Variants in LYPLAL1 observed in about 807,000 individuals in gnomAD.
LYPLAL1 encodes lysophospholipase like 1.
A neutral mutation model predicts 19.7 loss-of-function variants in LYPLAL1; 23 were observed. The ratio of observed to expected loss-of-function variants is 1.17; its 90% confidence interval spans 0.84 to 1.65. LYPLAL1 has a LOEUF of 1.65. Among genes scored for constraint, LYPLAL1 ranks in the 40% most tolerant of loss-of-function variants. The pLI is 0.00. For synonymous variants in LYPLAL1, 119 were observed against 96.3 expected, an observed-to-expected ratio of 1.24 and a Z score of -1.38; for missense variants, 355 against 279.4, an observed-to-expected ratio of 1.27 and a Z score of -1.93.
chr1:219,307,646 TC>T, the LYPLAL1 span, among the ~76,000 whole-genome samples: 48 of 152,214 alleles, frequency 3.2e-4, no homozygotes, highest in African/African-American at 1.2e-3. Flanking sequence ...TGGCTCTGTG[TC>T]CCCACCCAAA....
chr1:219,292,728 C>T, the LYPLAL1 span, among the ~76,000 whole-genome samples: 1 of 152,124 alleles, frequency 6.6e-6, no homozygotes, highest in Admixed American at 6.5e-5. Context: ...GGTACAATGT[C>T]AAGTAAGGTA....
chr1:219,215,325 T>G (rs1389114657), downstream of LYPLAL1, among the ~76,000 whole-genome samples: 1 of 152,194 alleles, frequency 6.6e-6, no homozygotes, highest in East Asian at 1.9e-4. Flanking sequence ...CAATAAATTT[T>G]CTGTCATTTT....
chr1:219,211,419 TTCTC>T (rs1207582028), intron 4 of LYPLAL1, 69 bp from the exon 5 acceptor site: 2 of 1,053,970 alleles, frequency 1.9e-6, no homozygotes, highest in South Asian at 1.6e-5. Flanking sequence ...AATTTTCCTG[TTCTC>T]TCTGATTTCT....
chr1:219,300,831 G>A, the LYPLAL1 span, among the ~76,000 whole-genome samples: 506 of 152,032 alleles, frequency 3.3e-3, 1 homozygote, highest in Non-Finnish European at 5.0e-3. Flanking sequence ...CACCGTGCCC[G>A]GCCTATCCTA....
the LYPLAL1 span, among the ~76,000 whole-genome samples, chr1:219,443,261 T>TA: frequency 5.8e-3 from 881 of 152,262 alleles, 7 homozygotes; most frequent in Non-Finnish European, 6.6e-3. Flanking sequence ...AGGGTTTTAT[T>TA]ACAAGATACA....
At chr1:219,411,440 A>C in the LYPLAL1 span, among the ~76,000 whole-genome samples, 2 of 152,136 alleles carry the variant, frequency 1.3e-5, no homozygotes, top group African/African-American at 4.8e-5. Context: ...CTCTGTATCT[A>C]ACTAATCTGA....
At chr1:219,292,184 G>C in the LYPLAL1 span, among the ~76,000 whole-genome samples, 8 of 152,112 alleles carry the variant, frequency 5.3e-5, no homozygotes, top group African/African-American at 9.7e-5. Flanking sequence ...CAGCTGACGG[G>C]ACAGGTGGTC....
chr1:219,281,401 AG>A, the LYPLAL1 span, among the ~76,000 whole-genome samples: 4 of 152,250 alleles, frequency 2.6e-5, no homozygotes, highest in Non-Finnish European at 4.4e-5. Flanking sequence ...AAATGAAAAT[AG>A]GTAAAAATCT....
chr1:219,292,068 A>G, the LYPLAL1 span, among the ~76,000 whole-genome samples: 70,505 of 151,920 alleles, frequency 0.46, 16,502 homozygotes, highest in East Asian at 0.66. Flanking sequence ...ACACAATAGA[A>G]ATGAACACGT....
In LYPLAL1 at chr1:219,212,709, C is replaced by T. The variant is rs1659135070; in HGVS notation, c.*981C>T. On this transcript the variant is annotated 3_prime_UTR_variant, in exon 5 of 5. Coordinates refer to ENST00000366928, the MANE Select transcript of LYPLAL1 (RefSeq NM_138794.5). ...TCAACAAAATTATCATGAGATTTTTCCATGTTGTGTACATCAATAGTTCAT... is the reference window on the plus strand; with the variant it reads ...TCAACAAAATTATCATGAGATTTTTTCATGTTGTGTACATCAATAGTTCAT... 6.6e-6 allele frequency: 1 copy of T among 151,906 alleles called. No homozygotes were observed. The highest frequency in any genetic ancestry group is 1.5e-5 in the Non-Finnish European group (1 of 67,914). The allele number at this position is 151,906 out of a possible 1,614,324, so 9.4% of individuals were successfully genotyped here.
chr1:219,325,695 CA>C, the LYPLAL1 span, among the ~76,000 whole-genome samples: 1 of 152,184 alleles, frequency 6.6e-6, no homozygotes, highest in South Asian at 2.1e-4. Flanking sequence ...CTGTGAGAAA[CA>C]GAATGAATTC....
chr1:219,352,397 A>G, the LYPLAL1 span, among the ~76,000 whole-genome samples: 1 of 152,210 alleles, frequency 6.6e-6, no homozygotes, highest in Admixed American at 6.5e-5. Flanking sequence ...GGGCGCCTGT[A>G]GTCTCAGCTA....
At chr1:219,379,570 T>C in the LYPLAL1 span, among the ~76,000 whole-genome samples, 1 of 152,200 alleles carries the variant, frequency 6.6e-6, no homozygotes, top group Non-Finnish European at 1.5e-5. Flanking sequence ...TCAGGAAATG[T>C]CTCATCAAAG....
intron 3 of LYPLAL1, among the ~76,000 whole-genome samples, chr1:219,206,715 C>T (rs1360489715): frequency 9.4e-5 from 14 of 149,350 alleles, no homozygotes; most frequent in African/African-American, 3.2e-4. Context: ...TAAATGTTTT[C>T]TTTCTCTCTT....
chr1:219,313,944 TGATA>T, the LYPLAL1 span, among the ~76,000 whole-genome samples: 3 of 152,238 alleles, frequency 2.0e-5, no homozygotes, highest in Admixed American at 6.5e-5. Flanking sequence ...GCATAGTACC[TGATA>T]GATAGTTCTT....
the LYPLAL1 span, among the ~76,000 whole-genome samples, chr1:219,243,054 T>C: frequency 6.6e-6 from 1 of 152,140 alleles, no homozygotes; most frequent in Admixed American, 6.5e-5. Flanking sequence ...AGTGCCAGCC[T>C]CTTGGATTCA....
At chr1:219,354,575 A>G in the LYPLAL1 span, among the ~76,000 whole-genome samples, 1 of 152,250 alleles carries the variant, frequency 6.6e-6, no homozygotes, top group African/African-American at 2.4e-5. Context: ...AACCAAAGCA[A>G]ACAACACCAA....
chr1:219,273,847 C>T, the LYPLAL1 span, among the ~76,000 whole-genome samples: 3 of 151,980 alleles, frequency 2.0e-5, no homozygotes, highest in South Asian at 2.1e-4. Flanking sequence ...CTGCAACCTC[C>T]GCCTCCCAGG....
At chr1:219,176,882 G>C (rs1478915417) in intron 1 of LYPLAL1, among the ~76,000 whole-genome samples, 1 of 152,144 alleles carries the variant, frequency 6.6e-6, no homozygotes, top group African/African-American at 2.4e-5. Flanking sequence ...GTAAGGCACT[G>C]TTCTGTGCTC....
Sources: allele counts gnomAD v4.1 joint callset (sites outside exome capture counted in the v4.1 genomes callset), GRCh38; gene constraint gnomAD v4.1.1; transcripts MANE v1.5; gene names NCBI Gene and HGNC (gene_info 2026-07-23, HGNC 2026-07-21).